The following TLE4 variants were observed in gnomAD, a reference collection of about 807,000 sequenced individuals.
TLE4 encodes transducin-like enhancer protein 4.
TLE4 carries 8 observed loss-of-function variants against 92.8 expected under a neutral mutation model. The ratio of observed to expected loss-of-function variants is 0.09; its 90% confidence interval spans 0.05 to 0.16. The LOEUF (loss-of-function observed/expected upper bound fraction) is 0.16, where lower values mean the gene tolerates loss of function less well. Among genes scored for constraint, TLE4 ranks in the 10% least tolerant of loss-of-function variants. The pLI is 1.00. For missense variants in TLE4, 675 were observed against 997.6 expected (o/e 0.68, Z 4.36); for synonymous variants, 371 against 374.1 (o/e 0.99, Z 0.10).
intron 6 of TLE4, among the ~76,000 whole-genome samples, chr9:79,629,512 A>C (rs1364688562): frequency 6.6e-6 from 1 of 152,196 alleles, no homozygotes; most frequent in African/African-American, 2.4e-5. Context: ...AATAAAGCTA[A>C]CTTAATTTTG....
At chr9:79,664,647 AC>A (rs2061087029) in intron 8 of TLE4, among the ~76,000 whole-genome samples, 2 of 152,176 alleles carry the variant, frequency 1.3e-5, no homozygotes, top group South Asian at 4.1e-4. Context: ...CAGGAACAGT[AC>A]TTTTGTTAGT....
chr9:79,620,668 T>C (rs185235329), intron 5 of TLE4, among the ~76,000 whole-genome samples: 1 of 152,336 alleles, frequency 6.6e-6, no homozygotes, highest in African/African-American at 2.4e-5. Context: ...CTAAGTAATA[T>C]CTAAAGTAAT....
chr9:79,589,274 A>G (rs982406675), intron 4 of TLE4, among the ~76,000 whole-genome samples: 2 of 152,228 alleles, frequency 1.3e-5, no homozygotes, highest in African/African-American at 4.8e-5. Flanking sequence ...TCTCTAGTTA[A>G]GTCAATTTGA....
At chr9:79,720,525 T>A (rs998667462) in intron 16 of TLE4, among the ~76,000 whole-genome samples, 1 of 152,114 alleles carries the variant, frequency 6.6e-6, no homozygotes, top group Non-Finnish European at 1.5e-5. Context: ...TCTGTAGTAC[T>A]TGAACTTCAT....
intron 7 of TLE4, chr9:79,653,070 G>A (rs1455758043): frequency 2.1e-6 from 1 of 472,066 alleles, no homozygotes; most frequent in African/African-American, 2.0e-5. Flanking sequence ...GTCTAAATCA[G>A]TAATGAAATC....
At chr9:79,710,432 T>G (rs951518823) in intron 14 of TLE4, among the ~76,000 whole-genome samples, 9 of 152,200 alleles carry the variant, frequency 5.9e-5, no homozygotes, top group Non-Finnish European at 8.8e-5. Context: ...CAGATCCTCC[T>G]TGCCTTGTTA....
At chr9:79,684,075 GAGA>G (rs1331399130) in intron 8 of TLE4, among the ~76,000 whole-genome samples, 10 of 152,204 alleles carry the variant, frequency 6.6e-5, no homozygotes, top group African/African-American at 1.9e-4. Context: ...TCTTAAAAAT[GAGA>G]AGGAGTATTT....
intron 8 of TLE4, among the ~76,000 whole-genome samples, chr9:79,661,930 C>G (rs906842112): frequency 6.6e-6 from 1 of 152,090 alleles, no homozygotes; most frequent in African/African-American, 2.4e-5. Flanking sequence ...CCTCCCAACC[C>G]CTGGGTTCAG....
chr9:79,700,916 G>A (rs2069650366), intron 8 of TLE4, among the ~76,000 whole-genome samples: 1 of 152,056 alleles, frequency 6.6e-6, no homozygotes, highest in Non-Finnish European at 1.5e-5. Context: ...TTCTAAATTT[G>A]TAGATTTATA....
chr9:79,618,970 C>A (rs2050315130), intron 5 of TLE4, among the ~76,000 whole-genome samples: 1 of 151,978 alleles, frequency 6.6e-6, no homozygotes, highest in South Asian at 2.1e-4. Flanking sequence ...ACTTATTTTA[C>A]CTGGGGAAAA....
chr9:79,662,316 A>G (rs895205948), intron 8 of TLE4, among the ~76,000 whole-genome samples: 3 of 152,194 alleles, frequency 2.0e-5, no homozygotes, highest in Admixed American at 6.5e-5. Context: ...TGAGAATAGA[A>G]GAGGGCTGGG....
At chr9:79,645,475 C>A (rs1327936436) in intron 6 of TLE4, among the ~76,000 whole-genome samples, 1 of 152,168 alleles carries the variant, frequency 6.6e-6, no homozygotes, top group Non-Finnish European at 1.5e-5. Flanking sequence ...ACTTGTCAGT[C>A]CCTTGTCATC....
At chr9:79,656,156 T>C (rs2059748665) in intron 8 of TLE4, among the ~76,000 whole-genome samples, 1 of 152,172 alleles carries the variant, frequency 6.6e-6, no homozygotes, top group Non-Finnish European at 1.5e-5. Flanking sequence ...CAAGGTGAGA[T>C]AGTTTGCTTA....
At chr9:79,648,065 T>A (rs1175109429) in intron 6 of TLE4, among the ~76,000 whole-genome samples, 1 of 152,134 alleles carries the variant, frequency 6.6e-6, no homozygotes, top group Non-Finnish European at 1.5e-5. Context: ...GGCAGAGAGT[T>A]CCCTGGATGG....
rs1351753471 is a variant in TLE4, at chr9:79,725,352, T to C, written c.*208T>C. On this transcript the variant is annotated 3_prime_UTR_variant, in exon 20 of 20. Coordinates refer to ENST00000376552, the MANE Select transcript of TLE4 (RefSeq NM_007005.6). The stretch of plus-strand genomic sequence containing the variant: ...AAACCTGTGATACCAAATCTTCAGC[T>C]GTCTACTTGGAAGAACATGGAATAA... 1.1e-5 allele frequency: 5 copies of C among 448,306 alleles called. No homozygotes were observed. Among genetic ancestry groups the C allele is most frequent in the Non-Finnish European group, 2.0e-5 (5 of 247,204 alleles). The allele number at this position is 448,306 out of a possible 1,614,324, so 27.8% of individuals were successfully genotyped here. A position where few individuals can be genotyped will look rare whatever the true frequency, so the allele number is the denominator to read the frequency against.
At position 79,704,565 on chromosome 9, in the gene TLE4, T is replaced by G. The variant is rs2070959974; in HGVS notation, c.610-218T>G. The G allele has an allele frequency of 1.8e-5, 10 of 552,180 alleles. No homozygotes were observed. In the South Asian group the frequency reaches 2.8e-4, roughly 15 times the overall value. The allele number at this position is 552,180 out of a possible 1,614,324, so 34.2% of individuals were successfully genotyped here. A position where few individuals can be genotyped will look rare whatever the true frequency, so the allele number is the denominator to read the frequency against. ...CTGCCTCTTCTCGTTTTTTCTTTCT[T>G]TCCCATTATCTTTCCCCCTTGTCTT... On this transcript the variant is annotated intron_variant, in intron 8 of 19. Coordinates refer to ENST00000376552, the MANE Select transcript of TLE4 (RefSeq NM_007005.6).
intron 8 of TLE4, among the ~76,000 whole-genome samples, chr9:79,662,905 T>C (rs1307810232): frequency 6.6e-6 from 1 of 152,160 alleles, no homozygotes; most frequent in Non-Finnish European, 1.5e-5. Context: ...TGGCTTTATT[T>C]TTCTCCTCTT....
intron 8 of TLE4, among the ~76,000 whole-genome samples, chr9:79,682,959 G>A (rs998264894): frequency 6.6e-6 from 1 of 152,228 alleles, no homozygotes; most frequent in African/African-American, 2.4e-5. Context: ...ACAAAGGGAT[G>A]AGTAAACTAT....
At chr9:79,653,551 C>T (rs542303905) in intron 7 of TLE4, among the ~76,000 whole-genome samples, 94 of 152,282 alleles carry the variant, frequency 6.2e-4, no homozygotes, top group African/African-American at 2.1e-3. Flanking sequence ...ATGAAAAAGT[C>T]TCTCCCAGCA....
Sources: gnomAD v4.1 joint callset for allele counts (sites outside exome capture counted in the v4.1 genomes callset) on GRCh38, gnomAD v4.1.1 for gene constraint, MANE v1.5 for transcripts, NCBI Gene and HGNC (gene_info 2026-07-23, HGNC 2026-07-21) for gene names.